Variants in ENTREP2 observed in about 807,000 individuals in gnomAD.
The protein encoded by ENTREP2 is protein ENTREP2.
the ENTREP2 span, among the ~76,000 whole-genome samples, chr15:29,298,101 T>A: frequency 6.6e-6 from 1 of 152,142 alleles, no homozygotes; most frequent in African/African-American, 2.4e-5. Flanking sequence ...TAGGACTATA[T>A]AACAAAAAGA....
chr15:29,349,086 G>C, the ENTREP2 span, among the ~76,000 whole-genome samples: 1 of 152,124 alleles, frequency 6.6e-6, no homozygotes, highest in African/African-American at 2.4e-5. Flanking sequence ...CCGCCTCTAC[G>C]GCGGTGTCTT....
the ENTREP2 span, among the ~76,000 whole-genome samples, chr15:29,394,784 A>G: frequency 6.6e-6 from 1 of 150,892 alleles, no homozygotes; most frequent in East Asian, 2.0e-4. Context: ...TTCTGTCTCT[A>G]TATGAGTGGA....
At chr15:29,393,415 T>C in the ENTREP2 span, among the ~76,000 whole-genome samples, 1 of 152,248 alleles carries the variant, frequency 6.6e-6, no homozygotes, top group Non-Finnish European at 1.5e-5. Flanking sequence ...TCAGCCGCAG[T>C]GCTATGGTGG....
At chr15:29,293,257 T>TA in the ENTREP2 span, among the ~76,000 whole-genome samples, 1 of 151,454 alleles carries the variant, frequency 6.6e-6, no homozygotes, top group Non-Finnish European at 1.5e-5. Context: ...ATTTATTGAC[T>TA]CTTTTTTTTT....
the ENTREP2 span, among the ~76,000 whole-genome samples, chr15:29,228,770 A>G: frequency 6.6e-6 from 1 of 152,224 alleles, no homozygotes; most frequent in African/African-American, 2.4e-5. Context: ...GGAACTTAAC[A>G]TATTAGAAAT....
the ENTREP2 span, among the ~76,000 whole-genome samples, chr15:29,440,261 A>AT: frequency 6.6e-6 from 1 of 152,154 alleles, no homozygotes; most frequent in Non-Finnish European, 1.5e-5. Flanking sequence ...TGAGATGCTG[A>AT]TTTTTGAGCA....
chr15:29,591,499 C>T, the ENTREP2 span, among the ~76,000 whole-genome samples: 1 of 152,252 alleles, frequency 6.6e-6, no homozygotes, highest in South Asian at 2.1e-4. Flanking sequence ...TCTCCAGTAA[C>T]TGTGAATGTG....
At chr15:29,377,823 A>AAGTAATAATAAT in the ENTREP2 span, among the ~76,000 whole-genome samples, 2 of 112,984 alleles carry the variant, frequency 1.8e-5, no homozygotes, top group South Asian at 5.9e-4. Context: ...TCTGTCTCAA[A>AAGTAATAATAAT]AATAATAATA....
chr15:29,664,788 T>C, the ENTREP2 span, among the ~76,000 whole-genome samples: 1 of 152,222 alleles, frequency 6.6e-6, no homozygotes, highest in Non-Finnish European at 1.5e-5. Context: ...TGGCCAAATT[T>C]GGCCTGAATG....
the ENTREP2 span, among the ~76,000 whole-genome samples, chr15:29,665,043 A>G: frequency 0.057 from 8,749 of 152,212 alleles, 734 homozygotes; most frequent in African/African-American, 0.19. Flanking sequence ...AACTTGCTCC[A>G]AGTGAGGAGC....
At chr15:29,416,762 C>A in the ENTREP2 span, among the ~76,000 whole-genome samples, 3 of 152,120 alleles carry the variant, frequency 2.0e-5, no homozygotes, top group South Asian at 2.1e-4. Flanking sequence ...ACAAAGGGCT[C>A]ATATCCAGAA....
chr15:29,597,411 A>G, the ENTREP2 span, among the ~76,000 whole-genome samples: 9 of 151,958 alleles, frequency 5.9e-5, no homozygotes, highest in Non-Finnish European at 1.0e-4. Context: ...TCTACTAAAA[A>G]TACAAAATTA....
chr15:29,274,799 A>T, the ENTREP2 span, among the ~76,000 whole-genome samples: 1 of 152,204 alleles, frequency 6.6e-6, no homozygotes, highest in South Asian at 2.1e-4. Flanking sequence ...ACTTCATTTA[A>T]GTTTTACAGG....
chr15:29,176,401 G>A, the ENTREP2 span, among the ~76,000 whole-genome samples: 1 of 152,142 alleles, frequency 6.6e-6, no homozygotes, highest in Non-Finnish European at 1.5e-5. Flanking sequence ...CAGTTTGGGG[G>A]CCATGAGGGG....
At chr15:29,252,203 T>G in the ENTREP2 span, among the ~76,000 whole-genome samples, 1 of 152,232 alleles carries the variant, frequency 6.6e-6, no homozygotes, top group Non-Finnish European at 1.5e-5. Flanking sequence ...ATCTAACTTA[T>G]AGAAATAAAT....
chr15:29,214,494 C>T, the ENTREP2 span, among the ~76,000 whole-genome samples: 1 of 152,054 alleles, frequency 6.6e-6, no homozygotes, highest in Admixed American at 6.6e-5. Flanking sequence ...ACAATGAGAA[C>T]ACTTGGACAC....
At chr15:29,277,389 T>G in the ENTREP2 span, among the ~76,000 whole-genome samples, 1 of 152,104 alleles carries the variant, frequency 6.6e-6, no homozygotes, top group Admixed American at 6.5e-5. Flanking sequence ...TCTGGTGATT[T>G]ACCTTTGCAG....
chr15:29,315,916 T>C, the ENTREP2 span, among the ~76,000 whole-genome samples: 1 of 146,620 alleles, frequency 6.8e-6, no homozygotes, highest in African/African-American at 2.6e-5. Flanking sequence ...CACACGTACA[T>C]GCAGTATGTG....
chr15:29,455,238 G>A, the ENTREP2 span, among the ~76,000 whole-genome samples: 8 of 151,944 alleles, frequency 5.3e-5, no homozygotes, highest in Middle Eastern at 3.2e-3. Flanking sequence ...ACCCCTGCCC[G>A]CCCCAGCTTA....
Sources: gnomAD v4.1 joint callset for allele counts (sites outside exome capture counted in the v4.1 genomes callset) on GRCh38, gnomAD v4.1.1 for gene constraint, MANE v1.5 for transcripts, NCBI Gene and HGNC (gene_info 2026-07-23, HGNC 2026-07-21) for gene names.